ARHGAP25: variants seen among roughly 807,000 people sequenced by gnomAD.
ARHGAP25 encodes the protein rho GTPase-activating protein 25.
In ARHGAP25, 34 loss-of-function variants were observed where a neutral mutation model predicts 71.0. The ratio of observed to expected loss-of-function variants is 0.48; its 90% confidence interval spans 0.36 to 0.64. The LOEUF is 0.64. Ranked by LOEUF, ARHGAP25 falls within the 30% of genes least tolerant of loss-of-function variation. The pLI, the probability that ARHGAP25 is intolerant of heterozygous loss-of-function variation, is 0.00. For missense variants in ARHGAP25, 706 were observed against 805.1 expected, an observed-to-expected ratio of 0.88 and a Z score of 1.49; for synonymous variants, 282 against 296.5, an observed-to-expected ratio of 0.95 and a Z score of 0.50.
intron 4 of ARHGAP25, among the ~76,000 whole-genome samples, chr2:68,789,026 G>A (rs1221241222): frequency 6.6e-6 from 1 of 151,778 alleles, no homozygotes; most frequent in Non-Finnish European, 1.5e-5. Context: ...AGTTGCTATG[G>A]AATCTTTTTC....
At chr2:68,721,001 T>C (rs572798816) in intron 2 of ARHGAP25, among the ~76,000 whole-genome samples, 2 of 152,360 alleles carry the variant, frequency 1.3e-5, no homozygotes, top group South Asian at 4.1e-4. Context: ...AAAGCCTTAC[T>C]GTGGCATAAT....
At chr2:68,824,347 A>C (rs1224353369) in intron 10 of ARHGAP25, among the ~76,000 whole-genome samples, 2 of 152,192 alleles carry the variant, frequency 1.3e-5, no homozygotes, top group African/African-American at 2.4e-5. Flanking sequence ...CTTCCACTGG[A>C]ACCCATGGTC....
At chr2:68,747,234 C>T (rs895548912) in intron 1 of ARHGAP25, among the ~76,000 whole-genome samples, 1 of 151,944 alleles carries the variant, frequency 6.6e-6, no homozygotes, top group African/African-American at 2.4e-5. Context: ...TTTCCCTTAC[C>T]TCATTAGTTA....
intron 4 of ARHGAP25, among the ~76,000 whole-genome samples, chr2:68,795,234 T>C (rs552643277): frequency 1.3e-5 from 2 of 152,122 alleles, no homozygotes; most frequent in Admixed American, 1.3e-4. Context: ...ATTTTGTTGA[T>C]CCCTTGTATT....
intron 1 of ARHGAP25, among the ~76,000 whole-genome samples, chr2:68,766,105 A>T (rs1470605387): frequency 6.6e-6 from 1 of 152,216 alleles, no homozygotes; most frequent in East Asian, 1.9e-4. Flanking sequence ...TGACTAGTGA[A>T]CCAAAACCTC....
intron 1 of ARHGAP25, among the ~76,000 whole-genome samples, chr2:68,771,472 C>T (rs1037292759): frequency 6.6e-6 from 1 of 152,170 alleles, no homozygotes; most frequent in Non-Finnish European, 1.5e-5. Context: ...CGGAACAAGT[C>T]CCACCCACAA....
chr2:68,755,320 A>G (rs971385108), intron 1 of ARHGAP25, among the ~76,000 whole-genome samples: 1 of 152,132 alleles, frequency 6.6e-6, no homozygotes, highest in African/African-American at 2.4e-5. Context: ...CCTCCTCCCA[A>G]AGATCATAAA....
intron 5 of ARHGAP25, among the ~76,000 whole-genome samples, chr2:68,809,107 C>G (rs777192581): frequency 1.7e-4 from 26 of 152,120 alleles, no homozygotes; most frequent in Non-Finnish European, 3.4e-4. Flanking sequence ...TTATTTGATT[C>G]TTATTATTTA....
chr2:68,808,260 G>A (rs1680523807), intron 5 of ARHGAP25, among the ~76,000 whole-genome samples: 10 of 152,210 alleles, frequency 6.6e-5, no homozygotes, highest in Admixed American at 6.5e-4. Context: ...CAAATTAGCA[G>A]CCCATAAACC....
At chr2:68,761,378 A>C (rs1192753045) in intron 1 of ARHGAP25, among the ~76,000 whole-genome samples, 1 of 152,138 alleles carries the variant, frequency 6.6e-6, no homozygotes, top group Non-Finnish European at 1.5e-5. Flanking sequence ...AGAAGAAAAA[A>C]TAGTCAAATT....
Position 68,803,174 on chromosome 2 carries a change from G to A in ARHGAP25, c.467-4099G>A, listed in dbSNP as rs183182137. Among the ~76,000 whole-genome samples, 6 of 152,280 alleles carry A rather than the reference G, an allele frequency of 3.9e-5. No homozygotes were observed. The East Asian group carries it at 5.8e-4, about 15-fold the overall frequency. ...AATCCCAGGAAATGATGCACCAAAC[G>A]AGCAGGTGGAAGATGGAGCACAGTC... is the stretch of plus-strand genomic sequence containing the variant. On this transcript the variant is annotated intron_variant, in intron 4 of 10. Transcript: ENST00000409202.
At chr2:68,734,238 G>C (rs1340403092), upstream of ARHGAP25, among the ~76,000 whole-genome samples, 1 of 152,164 alleles carries the variant, frequency 6.6e-6, no homozygotes, top group Non-Finnish European at 1.5e-5. Flanking sequence ...AGATTCAGTT[G>C]CTTGTTCAAA....
At position 68,826,286 on chromosome 2, in the gene ARHGAP25, C is replaced by T; in HGVS notation, c.*92C>T. The T allele has an allele frequency of 8.5e-7, 1 of 1,180,488 alleles. No homozygotes were observed. Among genetic ancestry groups the T allele is most frequent in the South Asian group, 1.2e-5 (1 of 80,098 alleles). 73.1% of individuals were successfully genotyped at this position (1,180,488 alleles called of 1,614,324 possible). On this transcript the variant is annotated 3_prime_UTR_variant, in exon 11 of 11. Coordinates refer to ENST00000409202, the MANE Select transcript of ARHGAP25 (RefSeq NM_001007231.3). ...CTGATGACGGGGAAACAAAATTATT[C>T]TCTGAGAGGGAAAGGACATTTGAGG...
Position 68,734,945 on chromosome 2 carries a change from C to CA in ARHGAP25, c.-255_-254insA. On this transcript the variant is annotated 5_prime_UTR_variant, in exon 1 of 11. Transcript: ENST00000409202. Reference sequence around the variant, plus strand: ...GAAAGCAAGAAAAGCAGGGTGCTAGCCCCTGTGGGACTGAGGGTGGAGGCT... The same window carrying CA: ...GAAAGCAAGAAAAGCAGGGTGCTAGCACCCTGTGGGACTGAGGGTGGAGGCT... 1.8e-6 allele frequency: 1 copy of CA among 566,888 alleles called. No individual in the cohort carries two copies. The allele number at this position is 566,888 out of a possible 1,614,324, so 35.1% of individuals were successfully genotyped here. A position where few individuals can be genotyped will look rare whatever the true frequency, so the allele number is the denominator to read the frequency against.
chr2:68,721,783 A>C (rs1318064544), intron 2 of ARHGAP25, among the ~76,000 whole-genome samples: 5 of 152,206 alleles, frequency 3.3e-5, no homozygotes, highest in African/African-American at 9.6e-5. Context: ...ATTTCCTCTC[A>C]CAGAAACCTA....
At chr2:68,728,476 C>T (rs1200875386) in intron 2 of ARHGAP25, among the ~76,000 whole-genome samples, 1 of 152,142 alleles carries the variant, frequency 6.6e-6, no homozygotes, top group Non-Finnish European at 1.5e-5. Flanking sequence ...AGAAATTCCA[C>T]TGCTATGCCC....
At chr2:68,763,444 A>G (rs1676941366) in intron 1 of ARHGAP25, among the ~76,000 whole-genome samples, 1 of 152,222 alleles carries the variant, frequency 6.6e-6, no homozygotes, top group Non-Finnish European at 1.5e-5. Context: ...ATTTTCAGCA[A>G]TACAGAGCGT....
At chr2:68,823,176 TTA>T (rs112057576) in intron 10 of ARHGAP25, among the ~76,000 whole-genome samples, 4,922 of 152,310 alleles carry the variant, frequency 0.032, 245 homozygotes, top group African/African-American at 0.11. Context: ...TTAATTTTTT[TTA>T]TGTTAAGGTC....
In ARHGAP25 at chr2:68,719,944, A is replaced by G. The variant is rs953922266; in HGVS notation, c.-18+9246A>G. On this transcript the variant is annotated intron_variant and NMD_transcript_variant, in intron 2 of 7. Coordinates refer to the ARHGAP25 transcript ENST00000463483. ...CCCAAACTCAGAATAAGGTACGCCT[A>G]TGTCCAGGTTTGTCCAGTGACCTGT... Among the ~76,000 whole-genome samples the G allele has an allele frequency of 5.9e-5, 9 of 152,206 alleles. No individual in the cohort carries two copies. The East Asian group carries it at 9.6e-4, about 16-fold the overall frequency.
Sources: gnomAD v4.1 joint callset for allele counts (sites outside exome capture counted in the v4.1 genomes callset) on GRCh38, gnomAD v4.1.1 for gene constraint, MANE v1.5 for transcripts, NCBI Gene and HGNC (gene_info 2026-07-23, HGNC 2026-07-21) for gene names.